Variants in RSAD2 observed in about 807,000 individuals in gnomAD.
RSAD2 encodes the protein S-adenosylmethionine-dependent nucleotide dehydratase RSAD2.
A neutral mutation model predicts 37.7 loss-of-function variants in RSAD2; 38 were observed. That is an observed-to-expected ratio of 1.01 (90% confidence interval 0.78 to 1.32). The LOEUF is 1.32. Ranked by LOEUF, RSAD2 falls within the 40% of genes most tolerant of loss-of-function variation. The probability of loss-of-function intolerance (pLI) is 0.00; values close to 1 mark genes in which losing one functional copy is unlikely to be tolerated. For synonymous variants in RSAD2, 163 were observed against 157.4 expected (o/e 1.04, Z -0.27); for missense variants, 428 against 437.5 (o/e 0.98, Z 0.19).
intron 1 of RSAD2, among the ~76,000 whole-genome samples, chr2:6,880,245 T>C (rs1663371904): frequency 6.6e-6 from 1 of 152,128 alleles, no homozygotes; most frequent in South Asian, 2.1e-4. Context: ...ACACAAAAGG[T>C]GGCTCCACAG....
chr2:6,890,249 T>C lies in RSAD2; in HGVS notation c.812T>C (p.Ile271Thr), dbSNP rs900687447. ...DALREAERFVIGDEEFERFLE... is the reference protein window; with the variant it reads ...DALREAERFVTGDEEFERFLE... ...CTAAGAGAAGCAGAAAGATTTGTTA[T>C]TGGTGATGAAGAATTTGAAAGATTC... The change falls in exon 4 of 6, where the codon ATT (isoleucine) becomes ACT (threonine). Residue 271 changes from isoleucine to threonine, a missense_variant. Physicochemically the swap from Ile to Thr is moderately conservative, Grantham distance 89. Coordinates refer to ENST00000382040, the MANE Select transcript of RSAD2 (RefSeq NM_080657.5). The C allele has an allele frequency of 1.2e-6, 2 of 1,614,192 alleles. No homozygotes were observed. The highest frequency in any genetic ancestry group is 8.5e-7 in the Non-Finnish European group (1 of 1,180,010).
chr2:6,877,141 TA>T (rs1383972730), upstream of RSAD2: 1 of 152,228 alleles, frequency 6.6e-6, no homozygotes, highest in African/African-American at 2.4e-5. Context: ...TTCCTCTAGT[TA>T]AAAACATCTA....
At chr2:6,882,763 A>T (rs1405157510) in intron 1 of RSAD2, among the ~76,000 whole-genome samples, 2 of 152,234 alleles carry the variant, frequency 1.3e-5, no homozygotes, top group Non-Finnish European at 2.9e-5. Context: ...TGCACTTACA[A>T]AGGAGTACAA....
At chr2:6,877,551 A>G, upstream of RSAD2, 1 of 523,112 alleles carries the variant, frequency 1.9e-6, no homozygotes, top group Non-Finnish European at 3.4e-6. Context: ...TTATAATACA[A>G]GTGGACTGAG....
At chr2:6,883,332 A>G (rs769246219) in intron 1 of RSAD2, 39 bp from the exon 2 acceptor site, 69 of 1,587,982 alleles carry the variant, frequency 4.3e-5, no homozygotes, top group Non-Finnish European at 5.9e-5. Flanking sequence ...AATAATGTAT[A>G]TTTGTGAAGT....
In RSAD2 at chr2:6,896,488, A is replaced by G. The variant is rs1040871757; in HGVS notation, c.*546A>G. 1 of 151,042 alleles carries G rather than the reference A, an allele frequency of 6.6e-6. No individual in the cohort carries two copies. The highest frequency in any genetic ancestry group is 2.4e-5 in the African/African-American group (1 of 41,096). The allele number at this position is 151,042 out of a possible 1,614,324, so 9.4% of individuals were successfully genotyped here. On this transcript the variant is annotated 3_prime_UTR_variant, in exon 6 of 6. Coordinates refer to ENST00000382040, the MANE Select transcript of RSAD2 (RefSeq NM_080657.5). ...CAGATAACCAGTTTTCACATCTGAG[A>G]CATTACAAAGTATCTGCCTCAATTA...
rs1339682041 is a variant in RSAD2, at chr2:6,883,261, T to C, written c.347-110T>C. Reference sequence around the variant, plus strand: ...GAACTAGGGTTAGGGGAGGGGAAATTAATGAGAAAGTTTTATTTCTTTTTT... The same window carrying C: ...GAACTAGGGTTAGGGGAGGGGAAATCAATGAGAAAGTTTTATTTCTTTTTT... On this transcript the variant is annotated intron_variant, in intron 1 of 5. Transcript: ENST00000382040. The C allele has an allele frequency of 6.5e-6, 8 of 1,240,128 alleles. No homozygotes were observed. The East Asian group carries it at 2.0e-4, about 31-fold the overall frequency. 76.8% of individuals were successfully genotyped at this position (1,240,128 alleles called of 1,614,324 possible). A position where few individuals can be genotyped will look rare whatever the true frequency, so the allele number is the denominator to read the frequency against.
chr2:6,865,998 G>T, exon 1 of RSAD2: 1 of 675,130 alleles, frequency 1.5e-6, no homozygotes, highest in Non-Finnish European at 2.1e-6. Flanking sequence ...CCCAGGCGCC[G>T]GCTCCCGGGG....
In RSAD2 at chr2:6,896,744, C is replaced by A. The variant is rs1174680477; in HGVS notation, c.*802C>A. On this transcript the variant is annotated 3_prime_UTR_variant, in exon 6 of 6. Coordinates refer to ENST00000382040, the MANE Select transcript of RSAD2 (RefSeq NM_080657.5). ...ATGCTGGCTACCTATGTGTGTGGTA[C>A]CTGTTGTGTCCCTTTCTCTTCAAAG... 1 of 152,186 alleles carries A rather than the reference C, an allele frequency of 6.6e-6. No individual in the cohort carries two copies. Among genetic ancestry groups the A allele is most frequent in the East Asian group, 1.9e-4 (1 of 5,196 alleles). The allele number at this position is 152,186 out of a possible 1,614,324, so 9.4% of individuals were successfully genotyped here.
intron 1 of RSAD2, among the ~76,000 whole-genome samples, chr2:6,879,837 T>C (rs573984978): frequency 1.3e-5 from 2 of 152,328 alleles, no homozygotes; most frequent in Admixed American, 1.3e-4. Context: ...TAAGGAGATA[T>C]GTCGAGGGAA....
At chr2:6,877,453 G>A (rs1663305037), upstream of RSAD2, among the ~76,000 whole-genome samples, 2 of 152,200 alleles carry the variant, frequency 1.3e-5, no homozygotes, top group Non-Finnish European at 2.9e-5. Context: ...GCTGATTAAT[G>A]CACCTTGTCT....
chr2:6,880,028 C>T (rs1323944458), intron 1 of RSAD2, among the ~76,000 whole-genome samples: 2 of 152,018 alleles, frequency 1.3e-5, no homozygotes, highest in Admixed American at 1.3e-4. Flanking sequence ...AGTGAATGTT[C>T]ATGTATTTTT....
At position 6,895,366 on chromosome 2, in the gene RSAD2, C is replaced by T. The variant is rs78355051; in HGVS notation, c.922-412C>T. 8.8e-3 allele frequency among the ~76,000 whole-genome samples: 1,341 copies of T among 152,250 alleles called. 19 individuals carry two copies. Among genetic ancestry groups the T allele is most frequent in the African/African-American group, 0.031 (1,289 of 41,536 alleles). ...CACATCATTACTATTCCAGAAACAC[C>T]GTCTACCTCCATTTCCCCAGTACAT... On this transcript the variant is annotated intron_variant, in intron 5 of 5. Coordinates refer to ENST00000382040, the MANE Select transcript of RSAD2 (RefSeq NM_080657.5).
At position 6,897,399 on chromosome 2, in the gene RSAD2, T is replaced by A. The variant is rs529901553; in HGVS notation, c.*1457T>A. On this transcript the variant is annotated 3_prime_UTR_variant, in exon 6 of 6. Transcript: ENST00000382040. ...GTCATTAAGCACCATCCAAAAAGTC[T>A]GCTTCATAATCTATTTTCAAGACTT... The A allele has an allele frequency of 7.2e-5, 11 of 152,360 alleles. No homozygotes were observed. Among genetic ancestry groups the A allele is most frequent in the African/African-American group, 2.6e-4 (11 of 41,586 alleles). The allele number at this position is 152,360 out of a possible 1,614,324, so 9.4% of individuals were successfully genotyped here. A position where few individuals can be genotyped will look rare whatever the true frequency, so the allele number is the denominator to read the frequency against.
At chr2:6,872,225 AATAAG>A (rs1490382295) in intron 1 of RSAD2, among the ~76,000 whole-genome samples, 4 of 152,326 alleles carry the variant, frequency 2.6e-5, no homozygotes, top group Non-Finnish European at 4.4e-5. Context: ...ATCATTTAGA[AATAAG>A]ATAATACTAA....
upstream of RSAD2, chr2:6,877,577 G>T: frequency 1.8e-6 from 1 of 559,124 alleles, no homozygotes; most frequent in Non-Finnish European, 3.2e-6. Context: ...CGTGAGCAGA[G>T]AAACCAGGAA....
rs1663801967 is a variant in RSAD2 at position 6,897,506 on chromosome 2, C to T, written c.*1564C>T. On this transcript the variant is annotated 3_prime_UTR_variant, in exon 6 of 6. Transcript: ENST00000382040. ...CTACTTAAATTTTAAGTCTATAATT[C>T]AATTTAAATATGTGTGTGTCTCATC... is the stretch of plus-strand genomic sequence containing the variant. 6.6e-6 allele frequency: 1 copy of T among 152,088 alleles called. No homozygotes were observed. Among genetic ancestry groups the T allele is most frequent in the Non-Finnish European group, 1.5e-5 (1 of 68,010 alleles). The allele number at this position is 152,088 out of a possible 1,614,324, so 9.4% of individuals were successfully genotyped here. A position where few individuals can be genotyped will look rare whatever the true frequency, so the allele number is the denominator to read the frequency against.
chr2:6,866,043 A>G (rs1184681433), exon 1 of RSAD2: 2 of 350,204 alleles, frequency 5.7e-6, no homozygotes, highest in Non-Finnish European at 4.9e-6. Context: ...CGTCGGCCCC[A>G]AGGTAGCTCC....
At chr2:6,892,008 C>T (rs1663644833) in intron 4 of RSAD2, among the ~76,000 whole-genome samples, 1 of 152,114 alleles carries the variant, frequency 6.6e-6, no homozygotes, top group African/African-American at 2.4e-5. Context: ...AAAAGTATCT[C>T]TACATATTCC....
Sources: allele counts gnomAD v4.1 joint callset (sites outside exome capture counted in the v4.1 genomes callset), GRCh38; gene constraint gnomAD v4.1.1; transcripts MANE v1.5; gene names NCBI Gene and HGNC (gene_info 2026-07-23, HGNC 2026-07-21).